CSMD1: variants seen among roughly 807,000 people sequenced by gnomAD.
CSMD1 encodes the protein CUB and sushi domain-containing protein 1.
Under a neutral mutation model 417.5 loss-of-function variants are expected in CSMD1, and 213 were observed. The observed-to-expected ratio is 0.51, with a 90% CI of 0.46 to 0.57. The LOEUF (loss-of-function observed/expected upper bound fraction) is 0.57. Among genes scored for constraint, CSMD1 ranks in the 20% least tolerant of loss-of-function variants. The pLI, the probability that CSMD1 is intolerant of heterozygous loss-of-function variation, is 0.00. For synonymous variants in CSMD1, 2,862 were observed against 1,736.8 expected, an observed-to-expected ratio of 1.65 and a Z score of -16.11; for missense variants, 6,923 against 4,529.7, an observed-to-expected ratio of 1.53 and a Z score of -15.17.
At chr8:3,448,366 G>A in intron 12 of CSMD1, among the ~76,000 whole-genome samples, 1 of 21,072 alleles carries the variant, frequency 4.7e-5, no homozygotes, top group Non-Finnish European at 8.5e-5. Flanking sequence ...AAGGAAGAAG[G>A]GAGGAAGGGA....
chr8:3,926,845 A>G (rs528559587), intron 5 of CSMD1, among the ~76,000 whole-genome samples: 57 of 150,030 alleles, frequency 3.8e-4, no homozygotes, highest in African/African-American at 1.4e-3. Flanking sequence ...ACTCCCAAGT[A>G]GCTGGGATTA....
chr8:3,749,721 C>T lies in CSMD1; in HGVS notation c.931+4209G>A, dbSNP rs529259466. Among the ~76,000 whole-genome samples, 15 of 152,154 alleles carry T rather than the reference C, an allele frequency of 9.9e-5. No homozygotes were observed. In the South Asian group the frequency reaches 2.1e-3, roughly 21 times the overall value. On this transcript the variant is annotated intron_variant, in intron 6 of 69. Coordinates refer to ENST00000635120, the MANE Select transcript of CSMD1 (RefSeq NM_033225.6). The stretch of plus-strand genomic sequence containing the variant: ...GCTGATTTCATATAAACGAATCATA[C>T]GGTTTATGTTTTTTTTTCCTTTCAC...
At chr8:3,562,080 G>A (rs989741857) in intron 10 of CSMD1, among the ~76,000 whole-genome samples, 3 of 151,524 alleles carry the variant, frequency 2.0e-5, no homozygotes, top group African/African-American at 4.9e-5. Flanking sequence ...GTAAAAATTC[G>A]GTACCTTCTT....
Position 4,031,430 on chromosome 8 carries a change from G to C in CSMD1, c.610+475C>G, listed in dbSNP as rs187639909. Among the ~76,000 whole-genome samples the C allele has an allele frequency of 9.7e-4, 148 of 152,212 alleles. No individual in the cohort carries two copies. The Middle Eastern group carries it at 0.014, about 14-fold the overall frequency. ...GGAACTCCTCTTTTTAAAACCATCAGATCTCATAAGACTTATGTGCTATGA... is the reference window on the plus strand; with the variant it reads ...GGAACTCCTCTTTTTAAAACCATCACATCTCATAAGACTTATGTGCTATGA... On this transcript the variant is annotated intron_variant, in intron 4 of 69. Coordinates refer to ENST00000635120, the MANE Select transcript of CSMD1 (RefSeq NM_033225.6).
At chr8:3,119,964 G>A (rs987473959) in intron 41 of CSMD1, among the ~76,000 whole-genome samples, 2 of 152,150 alleles carry the variant, frequency 1.3e-5, no homozygotes, top group Non-Finnish European at 2.9e-5. Flanking sequence ...CTGCAGAGGG[G>A]CCTTTTCTGT....
chr8:3,488,533 T>C (rs1035128147), intron 11 of CSMD1, among the ~76,000 whole-genome samples: 2 of 152,232 alleles, frequency 1.3e-5, no homozygotes, highest in African/African-American at 4.8e-5. Context: ...GCACTCTTAC[T>C]ATTAATAATG....
rs977039427 is a variant in CSMD1, at chr8:3,712,530, T to G, written c.932-4039A>C. On this transcript the variant is annotated intron_variant, in intron 6 of 69. Coordinates refer to ENST00000635120, the MANE Select transcript of CSMD1 (RefSeq NM_033225.6). ...CCCTGCAATAGCCTCTTCTTTCTCC[T>G]GAATTAAACTATTGAGTCATTCATT... Among the ~76,000 whole-genome samples the G allele has an allele frequency of 3.3e-5, 5 of 152,216 alleles. No homozygotes were observed. In the South Asian group the frequency reaches 1.0e-3, roughly 32 times the overall value.
chr8:3,361,112 A>T (rs1158532044), intron 20 of CSMD1, among the ~76,000 whole-genome samples: 2 of 152,228 alleles, frequency 1.3e-5, no homozygotes, highest in Non-Finnish European at 1.5e-5. Context: ...ACTTATGCAT[A>T]GTATGACTCA....
chr8:3,797,786 C>G (rs570655655), intron 5 of CSMD1, among the ~76,000 whole-genome samples: 1 of 151,934 alleles, frequency 6.6e-6, no homozygotes, highest in East Asian at 1.9e-4. Context: ...ACAGAAAATT[C>G]CTAGGTTATT....
chr8:3,962,726 G>C (rs534331610), intron 5 of CSMD1, among the ~76,000 whole-genome samples: 28 of 152,144 alleles, frequency 1.8e-4, no homozygotes, highest in African/African-American at 6.3e-4. Context: ...CAGACTCTTC[G>C]GGTTGGACTC....
rs551227888 is a variant in CSMD1, at chr8:3,303,226, C to T, written c.3950+4469G>A. 2.0e-5 allele frequency among the ~76,000 whole-genome samples: 3 copies of T among 152,188 alleles called. No homozygotes were observed. In the South Asian group the frequency reaches 6.2e-4, roughly 32 times the overall value. On this transcript the variant is annotated intron_variant, in intron 25 of 69. Transcript: ENST00000635120. ...CCAACCCATGGTCTATGTACAGAGG[C>T]TGGACATGGAGACTGGGGATAAATG...
chr8:4,380,259 A>C (rs1045102849), intron 3 of CSMD1, among the ~76,000 whole-genome samples: 1 of 152,128 alleles, frequency 6.6e-6, no homozygotes, highest in Non-Finnish European at 1.5e-5. Flanking sequence ...CAAGCCTGAC[A>C]AACACCTCTG....
chr8:3,792,668 A>T (rs369508031), intron 5 of CSMD1, among the ~76,000 whole-genome samples: 8 of 152,300 alleles, frequency 5.3e-5, no homozygotes, highest in Admixed American at 3.3e-4. Context: ...AAAACAAAAC[A>T]GAGACCGCAA....
At chr8:3,105,427 T>G (rs1480324258) in intron 46 of CSMD1, among the ~76,000 whole-genome samples, 2 of 152,212 alleles carry the variant, frequency 1.3e-5, no homozygotes, top group African/African-American at 4.8e-5. Flanking sequence ...TAGGAAAGCT[T>G]TTGGATAGGT....
intron 5 of CSMD1, among the ~76,000 whole-genome samples, chr8:3,893,778 G>T (rs1807158072): frequency 6.6e-6 from 1 of 152,074 alleles, no homozygotes; most frequent in Non-Finnish European, 1.5e-5. Context: ...GCTATCTTCA[G>T]TAAGGAATTT....
rs930809774 is a variant in CSMD1 at position 4,900,281 on chromosome 8, G to C, written c.85+94051C>G. The stretch of plus-strand genomic sequence containing the variant: ...TCACCTTCTTTCGCACTTTGAATCA[G>C]TATATGCAACTCATCCACCTCCTAT... On this transcript the variant is annotated intron_variant, in intron 1 of 69. Coordinates refer to ENST00000635120, the MANE Select transcript of CSMD1 (RefSeq NM_033225.6). 1.5e-4 allele frequency among the ~76,000 whole-genome samples: 23 copies of C among 152,276 alleles called. 1 individual carries two copies. Among genetic ancestry groups the C allele is most frequent in the Admixed American group, 5.2e-4 (8 of 15,294 alleles).
chr8:4,054,385 C>G lies in CSMD1; in HGVS notation c.416-22286G>C, dbSNP rs182362446. On this transcript the variant is annotated intron_variant, in intron 3 of 69. Transcript: ENST00000635120. ...GCCTTCATCCCATATAGGGGATGGC[C>G]GCCCGAGCCATCTACCCTAGCTAGG... Among the ~76,000 whole-genome samples, 25 of 152,164 alleles carry G rather than the reference C, an allele frequency of 1.6e-4. 1 individual carries two copies. Among genetic ancestry groups the G allele is most frequent in the African/African-American group, 5.8e-4 (24 of 41,514 alleles).
chr8:4,235,189 C>G (rs1438580554), intron 3 of CSMD1, among the ~76,000 whole-genome samples: 2 of 152,154 alleles, frequency 1.3e-5, no homozygotes, highest in Non-Finnish European at 2.9e-5. Flanking sequence ...GCATCTCTCT[C>G]CTGTCCAAAC....
chr8:3,669,379 T>C lies in CSMD1; in HGVS notation c.1009+39035A>G, dbSNP rs1042458286. Among the ~76,000 whole-genome samples, 3 of 152,278 alleles carry C rather than the reference T, an allele frequency of 2.0e-5. No homozygotes were observed. The South Asian group carries it at 6.2e-4, about 32-fold the overall frequency. On this transcript the variant is annotated intron_variant, in intron 7 of 69. Coordinates refer to ENST00000635120, the MANE Select transcript of CSMD1 (RefSeq NM_033225.6). ...GCCTTGGGCGGGAGGGTCCAAGGCC[T>C]TGAGCTTCTTGGGCTGGCCAGTCTA... is the stretch of plus-strand genomic sequence containing the variant.
Sources: allele counts gnomAD v4.1 joint callset (sites outside exome capture counted in the v4.1 genomes callset), GRCh38; gene constraint gnomAD v4.1.1; transcripts MANE v1.5; gene names NCBI Gene and HGNC (gene_info 2026-07-23, HGNC 2026-07-21).